The following LNPK variants were observed in gnomAD, a reference collection of about 807,000 sequenced individuals.
LNPK encodes the protein lunapark, ER junction formation factor.
LNPK carries 29 observed loss-of-function variants against 55.2 expected under a neutral mutation model. That is an observed-to-expected ratio of 0.53 (90% confidence interval 0.39 to 0.72). LNPK has a LOEUF of 0.72. Among genes scored for constraint, LNPK ranks in the 30% least tolerant of loss-of-function variants. LNPK has a pLI of 0.00. For synonymous variants in LNPK, 162 were observed against 168.2 expected (o/e 0.96, Z 0.29); for missense variants, 467 against 494.8 (o/e 0.94, Z 0.53).
intron 9 of LNPK, among the ~76,000 whole-genome samples, chr2:175,944,691 A>T (rs993141049): frequency 2.0e-5 from 3 of 152,298 alleles, no homozygotes; most frequent in African/African-American, 7.2e-5. Context: ...ATAGGGATAC[A>T]AGGGTTTCAA....
intron 8 of LNPK, among the ~76,000 whole-genome samples, chr2:175,957,992 A>G (rs1685781992): frequency 6.6e-6 from 1 of 152,226 alleles, no homozygotes; most frequent in Admixed American, 6.5e-5. Context: ...GCAAGGCAGC[A>G]GCCTGGGGTG....
At position 175,952,309 on chromosome 2, in the gene LNPK, G is replaced by A. The variant is rs774056222; in HGVS notation, c.494-4617C>T. On this transcript the variant is annotated intron_variant, in intron 8 of 12. Transcript: ENST00000272748. ...AAGCCTATTCACATATGCAAATGTG[G>A]AAACTCTTAGGGTGAATTTTGCTTT... is the stretch of plus-strand genomic sequence containing the variant. 1.2e-3 allele frequency among the ~76,000 whole-genome samples: 189 copies of A among 151,890 alleles called. 1 individual carries two copies. Among genetic ancestry groups the A allele is most frequent in the Non-Finnish European group, 9.6e-4 (65 of 67,898 alleles).
At chr2:175,957,850 C>T (rs1054106777) in intron 8 of LNPK, among the ~76,000 whole-genome samples, 2 of 152,242 alleles carry the variant, frequency 1.3e-5, no homozygotes, top group Admixed American at 6.5e-5. Flanking sequence ...GGTACACTCC[C>T]GCCCTAATAC....
At chr2:175,953,251 C>G (rs1685508701) in intron 8 of LNPK, among the ~76,000 whole-genome samples, 1 of 151,940 alleles carries the variant, frequency 6.6e-6, no homozygotes, top group Non-Finnish European at 1.5e-5. Context: ...GTCTTAGGTG[C>G]TCTTACTCTA....
chr2:175,951,605 A>ATATATCTATATCTATATC (rs1553501585), intron 8 of LNPK, among the ~76,000 whole-genome samples: 4 of 129,692 alleles, frequency 3.1e-5, no homozygotes, highest in African/African-American at 1.2e-4. Flanking sequence ...ATATATATAT[A>ATATATCTATATCTATATC]TATATCTCAG....
intron 8 of LNPK, among the ~76,000 whole-genome samples, chr2:175,955,287 C>A (rs1685636171): frequency 6.6e-6 from 1 of 152,256 alleles, no homozygotes; most frequent in Middle Eastern, 3.4e-3. Flanking sequence ...GGTCTTGGAA[C>A]CTGCCACCAG....
intron 8 of LNPK, among the ~76,000 whole-genome samples, chr2:175,953,580 G>A (rs527954766): frequency 4.6e-5 from 7 of 150,944 alleles, no homozygotes; most frequent in Admixed American, 2.0e-4. Context: ...CCCCTGCCCC[G>A]CTTTCCAAAT....
intron 5 of LNPK, among the ~76,000 whole-genome samples, chr2:175,973,849 C>G (rs1418208119): frequency 6.6e-6 from 1 of 152,164 alleles, no homozygotes; most frequent in African/African-American, 2.4e-5. Context: ...ATTCTTCAGG[C>G]AACTGTTCTT....
intron 9 of LNPK, among the ~76,000 whole-genome samples, chr2:175,946,756 T>A (rs1052380678): frequency 2.8e-4 from 42 of 152,070 alleles, no homozygotes; most frequent in Non-Finnish European, 5.4e-4. Context: ...AATAAATAAT[T>A]TACTAACATA....
At chr2:175,941,514 C>T (rs749990571) in intron 9 of LNPK, among the ~76,000 whole-genome samples, 67 of 151,454 alleles carry the variant, frequency 4.4e-4, no homozygotes, top group Non-Finnish European at 6.2e-4. Context: ...AAATCTTGAC[C>T]GGGTGCAGTG....
intron 8 of LNPK, among the ~76,000 whole-genome samples, chr2:175,949,317 C>A (rs1442698016): frequency 2.6e-5 from 4 of 151,998 alleles, no homozygotes; most frequent in Non-Finnish European, 5.9e-5. Flanking sequence ...ACAAGGAGCA[C>A]CTTAATAGGT....
intron 9 of LNPK, among the ~76,000 whole-genome samples, chr2:175,946,910 C>A (rs1685154334): frequency 6.6e-6 from 1 of 151,766 alleles, no homozygotes. Context: ...CCCTAGAGAT[C>A]CACCACAGTG....
At chr2:175,938,257 T>G in intron 11 of LNPK, 56 bp downstream of exon 11, 1 of 1,073,284 alleles carries the variant, frequency 9.3e-7, no homozygotes, top group South Asian at 1.4e-5. Context: ...GAAAATGGCA[T>G]AGAATAAAAT....
At chr2:175,957,335 G>A (rs1455107954) in intron 8 of LNPK, among the ~76,000 whole-genome samples, 1 of 151,892 alleles carries the variant, frequency 6.6e-6, no homozygotes, top group East Asian at 1.9e-4. Flanking sequence ...TCCAGCCTGG[G>A]TGATACAGTG....
At chr2:175,979,768 G>A (rs768119673) in intron 5 of LNPK, 42 bp downstream of exon 5, 94 of 1,391,996 alleles carry the variant, frequency 6.8e-5, no homozygotes, top group Non-Finnish European at 8.8e-5. Context: ...TCTAAAATAG[G>A]TATTTTAAAA....
rs780581152 is a variant in LNPK, at chr2:176,002,195, A to G, written c.-98T>C. On this transcript the variant is annotated 5_prime_UTR_variant, in exon 1 of 13. Coordinates refer to ENST00000272748, the MANE Select transcript of LNPK (RefSeq NM_030650.3). ...CGGGCGCAGCCCGGCCCGGGCGTCC[A>G]CCCCCGCCAGTCTCGGCCGCCACCG... The G allele has an allele frequency of 1.1e-4, 49 of 437,112 alleles. No homozygotes were observed. Among genetic ancestry groups the G allele is most frequent in the Non-Finnish European group, 2.1e-4 (46 of 219,496 alleles). The allele number at this position is 437,112 out of a possible 1,614,324, so 27.1% of individuals were successfully genotyped here.
At chr2:176,002,483 A>C (rs571430186), upstream of LNPK, 110 of 283,058 alleles carry the variant, frequency 3.9e-4, 1 homozygote, top group South Asian at 2.9e-3. Context: ...GCCATTTATT[A>C]TGACTCTTAG....
chr2:175,965,794 A>G (rs1686299490), intron 6 of LNPK, among the ~76,000 whole-genome samples: 1 of 58,604 alleles, frequency 1.7e-5, no homozygotes, highest in Non-Finnish European at 3.3e-5. Flanking sequence ...GTATCACTTT[A>G]GAGTTAGAAA....
At chr2:175,984,836 T>C (rs1199190333) in intron 4 of LNPK, among the ~76,000 whole-genome samples, 1 of 152,202 alleles carries the variant, frequency 6.6e-6, no homozygotes, top group East Asian at 1.9e-4. Flanking sequence ...GTACTTACCA[T>C]ATACTCCAGC....
Sources: gnomAD v4.1 joint callset for allele counts (sites outside exome capture counted in the v4.1 genomes callset) on GRCh38, gnomAD v4.1.1 for gene constraint, MANE v1.5 for transcripts, NCBI Gene and HGNC (gene_info 2026-07-23, HGNC 2026-07-21) for gene names.